GOLT1A: variants seen among roughly 807,000 people sequenced by gnomAD.
GOLT1A encodes the protein golgi transport 1A, also known as vesicle transport protein GOT1A.
A neutral mutation model predicts 16.1 loss-of-function variants in GOLT1A; 10 were observed. The observed-to-expected ratio is 0.62, with a 90% CI of 0.38 to 1.05. The LOEUF (loss-of-function observed/expected upper bound fraction) is 1.05. GOLT1A is among the 50% of genes least tolerant of loss of function. GOLT1A has a pLI of 0.01. For missense variants in GOLT1A, 137 were observed against 165.7 expected, an observed-to-expected ratio of 0.83 and a Z score of 0.95; for synonymous variants, 60 against 67.9, an observed-to-expected ratio of 0.88 and a Z score of 0.57.
rs1314484928 is a variant in GOLT1A at position 204,198,365 on chromosome 1, G to A, written c.*93C>T. Reference sequence around the variant, plus strand: ...TGGGGAGGTCCGGATATGTCGGGGAGTGAGTCAGTGCAGGGGACTGAGGGG... The same window carrying A: ...TGGGGAGGTCCGGATATGTCGGGGAATGAGTCAGTGCAGGGGACTGAGGGG... On this transcript the variant is annotated 3_prime_UTR_variant, in exon 5 of 5. Coordinates refer to ENST00000308302, the MANE Select transcript of GOLT1A (RefSeq NM_198447.2). The A allele has an allele frequency of 1.7e-6, 2 of 1,152,802 alleles. No homozygotes were observed. The highest frequency in any genetic ancestry group is 1.3e-5 in the South Asian group (1 of 78,152). The allele number at this position is 1,152,802 out of a possible 1,614,324, so 71.4% of individuals were successfully genotyped here.
At chr1:204,199,112 C>A in intron 4 of GOLT1A, 83 bp downstream of exon 4, 1 of 1,229,952 alleles carries the variant, frequency 8.1e-7, no homozygotes, top group Non-Finnish European at 1.2e-6. Context: ...GCCCCTGGGG[C>A]AGCAGTTTTA....
At chr1:204,212,501 G>T (rs772688347) in intron 1 of GOLT1A, among the ~76,000 whole-genome samples, 2 of 152,180 alleles carry the variant, frequency 1.3e-5, no homozygotes, top group East Asian at 3.9e-4. Context: ...GCCAGGTGTG[G>T]TGGTGGGTGC....
At position 204,206,054 on chromosome 1, in the gene GOLT1A, G is replaced by C. The variant is rs139371242; in HGVS notation, c.26-3067C>G. ...CACTGCACTCCAGCCTGGGTAACAA[G>C]AGCAAAACTCCATCTCAAAAAAAAA... On this transcript the variant is annotated intron_variant, in intron 1 of 4. Transcript: ENST00000308302. Among the ~76,000 whole-genome samples, 1,099 of 152,142 alleles carry C rather than the reference G, an allele frequency of 7.2e-3. 10 individuals carry two copies. The highest frequency in any genetic ancestry group is 0.024 in the African/African-American group (983 of 41,506).
chr1:204,207,438 G>A (rs1435809439), intron 1 of GOLT1A, among the ~76,000 whole-genome samples: 1 of 152,182 alleles, frequency 6.6e-6, no homozygotes, highest in South Asian at 2.1e-4. Flanking sequence ...CTGCACTGGT[G>A]CCCTTGTTTA....
rs745986254 is a variant in GOLT1A at position 204,213,943 on chromosome 1, G to T, written c.-37C>A. The T allele has an allele frequency of 5.0e-6, 8 of 1,609,754 alleles. No homozygotes were observed. In the Admixed American group the frequency reaches 1.3e-4, roughly 27 times the overall value. ...CCTGGGGGGCTTTCCGGGTGGAAGC[G>T]GGCAAGTGGAGCGTGGCCCAGAGGA... On this transcript the variant is annotated 5_prime_UTR_variant, in exon 1 of 5. Coordinates refer to ENST00000308302, the MANE Select transcript of GOLT1A (RefSeq NM_198447.2).
At chr1:204,199,380 A>C (rs1658915872) in intron 3 of GOLT1A, 122 bp from the exon 4 acceptor site, 2 of 743,376 alleles carry the variant, frequency 2.7e-6, no homozygotes, top group Admixed American at 4.2e-5. Context: ...GACAGGCTTG[A>C]TTCTGCACTC....
rs984042291 is a variant in GOLT1A, at chr1:204,198,195, T to C, written c.*263A>G. On this transcript the variant is annotated 3_prime_UTR_variant, in exon 5 of 5. Transcript: ENST00000308302. ...ACAACTTGGGAATTTAATCTTCACTTTTCCTCCCATAAATATAGAGTGAGG... is the reference window on the plus strand; with the variant it reads ...ACAACTTGGGAATTTAATCTTCACTCTTCCTCCCATAAATATAGAGTGAGG... The C allele has an allele frequency of 2.2e-6, 1 of 455,744 alleles. No homozygotes were observed. Among genetic ancestry groups the C allele is most frequent in the East Asian group, 4.2e-5 (1 of 24,080 alleles). The allele number at this position is 455,744 out of a possible 1,614,324, so 28.2% of individuals were successfully genotyped here.
At chr1:204,201,266 TAG>T (rs1658951830) in intron 3 of GOLT1A, among the ~76,000 whole-genome samples, 1 of 152,208 alleles carries the variant, frequency 6.6e-6, no homozygotes, top group African/African-American at 2.4e-5. Flanking sequence ...GATAATCCTA[TAG>T]TGGGTTGTTG....
chr1:204,202,802 AAAC>A, intron 2 of GOLT1A, 91 bp downstream of exon 2: 2 of 886,834 alleles, frequency 2.3e-6, no homozygotes, highest in Non-Finnish European at 1.9e-6. Context: ...AGACTTAAAT[AAAC>A]TGTAAGTCTT....
intron 1 of GOLT1A, 31 bp downstream of exon 1, chr1:204,213,851 A>G: frequency 6.2e-7 from 1 of 1,610,850 alleles, no homozygotes; most frequent in Non-Finnish European, 8.5e-7. Context: ...TGGCCTGGAT[A>G]GCCCATTGCA....
In GOLT1A at chr1:204,199,311, T is replaced by G. The variant is rs1200708803; in HGVS notation, c.297-53A>C. ...TCAGTGATGGCCCAGGAAGAGAGGATAGAGGGCACGAGGCTGAGGTCCACT... is the reference window on the plus strand; with the variant it reads ...TCAGTGATGGCCCAGGAAGAGAGGAGAGAGGGCACGAGGCTGAGGTCCACT... On this transcript the variant is annotated intron_variant, in intron 3 of 4. Transcript: ENST00000308302. 9.0e-6 allele frequency: 13 copies of G among 1,438,924 alleles called. No individual in the cohort carries two copies. The African/African-American group carries it at 1.8e-4, about 20-fold the overall frequency. The allele number at this position is 1,438,924 out of a possible 1,614,324, so 89.1% of individuals were successfully genotyped here.
In GOLT1A at chr1:204,213,920, T is replaced by C. The variant is rs1571681053; in HGVS notation, c.-14A>G. The C allele has an allele frequency of 6.2e-7, 1 of 1,612,742 alleles. No individual in the cohort carries two copies. Among genetic ancestry groups the C allele is most frequent in the Non-Finnish European group, 8.5e-7 (1 of 1,179,600 alleles). ...GATGGAGATCATGCCGCACTCAGCC[T>C]GGGGGGCTTTCCGGGTGGAAGCGGG... is the stretch of plus-strand genomic sequence containing the variant. On this transcript the variant is annotated 5_prime_UTR_variant, in exon 1 of 5. Transcript: ENST00000308302.
chr1:204,198,908 C>T (rs536677981), intron 4 of GOLT1A: 9 of 504,844 alleles, frequency 1.8e-5, no homozygotes, highest in Admixed American at 3.3e-5. Context: ...AGAGTCTCTG[C>T]GTCTTCATTT....
intron 1 of GOLT1A, among the ~76,000 whole-genome samples, chr1:204,203,646 C>T (rs1028348048): frequency 6.6e-6 from 1 of 152,214 alleles, no homozygotes; most frequent in Admixed American, 6.5e-5. Flanking sequence ...AAGACCCAAG[C>T]CTGCACCTGC....
intron 1 of GOLT1A, among the ~76,000 whole-genome samples, chr1:204,206,351 A>C (rs1392526896): frequency 6.6e-6 from 1 of 152,204 alleles, no homozygotes; most frequent in South Asian, 2.1e-4. Context: ...TGCTGGCCTG[A>C]ATTAAATCTC....
chr1:204,200,299 G>GTGTGTGTATATATATATATATATAGATA, intron 3 of GOLT1A, among the ~76,000 whole-genome samples: 1 of 82,684 alleles, frequency 1.2e-5, no homozygotes, highest in African/African-American at 5.5e-5. Context: ...ACATATATGT[G>GTGTGTGTATATATATATATATATAGATA]TATATATATA....
chr1:204,200,084 G>A (rs1212396894), intron 3 of GOLT1A, among the ~76,000 whole-genome samples: 4 of 151,824 alleles, frequency 2.6e-5, no homozygotes, highest in Non-Finnish European at 5.9e-5. Context: ...TATTGAATTT[G>A]CTGCTGTCCC....
chr1:204,199,189 G>T lies in GOLT1A; in HGVS notation c.360+6C>A. The stretch of plus-strand genomic sequence containing the variant: ...GCCCGCAGGGCTGCAGGCATCATCT[G>T]CTTACCGCACCCAGGAAGGGGATGT... On this transcript the variant is annotated splice_donor_region_variant and intron_variant, in intron 4 of 4. Transcript: ENST00000308302. 6.3e-7 allele frequency: 1 copy of T among 1,590,864 alleles called. No individual in the cohort carries two copies. Among genetic ancestry groups the T allele is most frequent in the East Asian group, 2.3e-5 (1 of 44,222 alleles).
chr1:204,203,591 C>T (rs1176630122), intron 1 of GOLT1A, among the ~76,000 whole-genome samples: 1 of 152,218 alleles, frequency 6.6e-6, no homozygotes, highest in African/African-American at 2.4e-5. Context: ...AAACAGAAGT[C>T]ATCAGTTAGG....
Sources: allele counts gnomAD v4.1 joint callset (sites outside exome capture counted in the v4.1 genomes callset), GRCh38; gene constraint gnomAD v4.1.1; transcripts MANE v1.5; gene names NCBI Gene and HGNC (gene_info 2026-07-23, HGNC 2026-07-21).